Variants in PGBD5 observed in about 807,000 individuals in gnomAD.
PGBD5 encodes the protein piggyBac transposable element-derived protein 5.
PGBD5 carries 14 observed loss-of-function variants against 47.9 expected under a neutral mutation model. The ratio of observed to expected loss-of-function variants is 0.29; its 90% CI spans 0.19 to 0.46. PGBD5 has a LOEUF of 0.46. Ranked by LOEUF, PGBD5 falls within the 20% of genes least tolerant of loss-of-function variation. PGBD5 has a pLI of 1.00. For synonymous variants in PGBD5, 316 were observed against 306.3 expected (o/e 1.03, Z -0.33); for missense variants, 635 against 716.0 (o/e 0.89, Z 1.29).
At chr1:230,327,776 A>G (rs562170064) in intron 5 of PGBD5, among the ~76,000 whole-genome samples, 1 of 152,278 alleles carries the variant, frequency 6.6e-6, no homozygotes, top group African/African-American at 2.4e-5. Context: ...TCTCTCTCCA[A>G]CGCCCCTCCT....
At chr1:230,381,494 A>G (rs1275204275) in intron 1 of PGBD5, among the ~76,000 whole-genome samples, 1 of 152,130 alleles carries the variant, frequency 6.6e-6, no homozygotes, top group Non-Finnish European at 1.5e-5. Flanking sequence ...CCAGTTGTGC[A>G]CCCCAACCCT....
At position 230,317,711 on chromosome 1, in the gene PGBD5, G is replaced by A. The variant is rs1572189667; in HGVS notation, c.*5714C>T. Reference sequence around the variant, plus strand: ...GGGAGCCAGGAGGCTTGACACGTGAGGGAAGCCGCACACACTCCTCCATCG... The same window carrying A: ...GGGAGCCAGGAGGCTTGACACGTGAAGGAAGCCGCACACACTCCTCCATCG... On this transcript the variant is annotated 3_prime_UTR_variant, in exon 7 of 7. Coordinates refer to ENST00000391860, the MANE Select transcript of PGBD5 (RefSeq NM_001258311.2). 6.6e-6 allele frequency: 1 copy of A among 152,162 alleles called. No individual in the cohort carries two copies. The highest frequency in any genetic ancestry group is 1.5e-5 in the Non-Finnish European group (1 of 68,032). The allele number at this position is 152,162 out of a possible 1,614,324, so 9.4% of individuals were successfully genotyped here. A position where few individuals can be genotyped will look rare whatever the true frequency, so the allele number is the denominator to read the frequency against.
intron 1 of PGBD5, among the ~76,000 whole-genome samples, chr1:230,404,696 CT>C (rs1174225524): frequency 9.4e-5 from 14 of 149,242 alleles, no homozygotes; most frequent in African/African-American, 2.9e-4. Flanking sequence ...CTTTAGGAGG[CT>C]GACGTTTGGC....
chr1:230,348,107 T>C (rs1558195867), intron 3 of PGBD5, among the ~76,000 whole-genome samples: 1 of 152,226 alleles, frequency 6.6e-6, no homozygotes, highest in Non-Finnish European at 1.5e-5. Context: ...TACGGTCAGC[T>C]GCAACTGAGC....
intron 1 of PGBD5, among the ~76,000 whole-genome samples, chr1:230,411,761 A>C (rs1657414700): frequency 6.6e-6 from 1 of 152,222 alleles, no homozygotes; most frequent in African/African-American, 2.4e-5. Context: ...TACTGAGACC[A>C]ACCTGGGTTT....
chr1:230,354,727 A>T (rs949970150), intron 2 of PGBD5, among the ~76,000 whole-genome samples: 8 of 152,070 alleles, frequency 5.3e-5, no homozygotes, highest in Non-Finnish European at 1.5e-5. Context: ...AACCCGGATC[A>T]CACCCCTAGC....
intron 1 of PGBD5, among the ~76,000 whole-genome samples, chr1:230,418,436 C>T (rs1657573721): frequency 6.6e-6 from 1 of 152,144 alleles, no homozygotes; most frequent in Admixed American, 6.5e-5. Flanking sequence ...TAATGGCTAC[C>T]TCTGGGGACA....
chr1:230,377,835 T>C (rs1401707341), intron 1 of PGBD5, among the ~76,000 whole-genome samples: 1 of 152,260 alleles, frequency 6.6e-6, no homozygotes, highest in Non-Finnish European at 1.5e-5. Flanking sequence ...GATGCAATGC[T>C]AGCATTTTGG....
chr1:230,388,287 C>T (rs1332624862), intron 1 of PGBD5, among the ~76,000 whole-genome samples: 1 of 152,186 alleles, frequency 6.6e-6, no homozygotes, highest in Non-Finnish European at 1.5e-5. Context: ...GAGAGCAGGA[C>T]CCTGGCCTCC....
At position 230,340,239 on chromosome 1, in the gene PGBD5, A is replaced by C. The variant is rs1667389231; in HGVS notation, c.895-2951T>G. Among the ~76,000 whole-genome samples the C allele has an allele frequency of 3.3e-5, 5 of 152,332 alleles. 1 individual carries two copies. In the South Asian group the frequency reaches 1.0e-3, roughly 32 times the overall value. On this transcript the variant is annotated intron_variant, in intron 3 of 6. Coordinates refer to ENST00000391860, the MANE Select transcript of PGBD5 (RefSeq NM_001258311.2). ...ATGTGTTAAAAGGATTTATATATAAAATACCATGTCCATTTCAGGGTTTTT... is the reference window on the plus strand; with the variant it reads ...ATGTGTTAAAAGGATTTATATATAACATACCATGTCCATTTCAGGGTTTTT...
intron 4 of PGBD5, among the ~76,000 whole-genome samples, chr1:230,335,697 A>G (rs1338176939): frequency 6.9e-6 from 1 of 144,996 alleles, no homozygotes; most frequent in African/African-American, 2.5e-5. Context: ...ACAGACACAT[A>G]CACATACATA....
At chr1:230,416,609 C>T (rs544296838) in intron 1 of PGBD5, among the ~76,000 whole-genome samples, 13 of 152,272 alleles carry the variant, frequency 8.5e-5, no homozygotes, top group African/African-American at 2.2e-4. Context: ...CAAGGGCTGC[C>T]GTTCGAAAGT....
At chr1:230,370,676 T>C (rs1466826670) in intron 1 of PGBD5, among the ~76,000 whole-genome samples, 2 of 152,208 alleles carry the variant, frequency 1.3e-5, no homozygotes, top group Non-Finnish European at 2.9e-5. Flanking sequence ...GTGGTAGAAC[T>C]AGAAATAGCC....
At chr1:230,332,629 C>T (rs559049591) in intron 5 of PGBD5, among the ~76,000 whole-genome samples, 3 of 152,168 alleles carry the variant, frequency 2.0e-5, no homozygotes, top group Non-Finnish European at 4.4e-5. Context: ...AAGCTTACAA[C>T]GAACAGGGAG....
At position 230,357,111 on chromosome 1, in the gene PGBD5, T is replaced by C. The variant is rs141630635; in HGVS notation, c.542A>G (p.His181Arg). 62 of 1,614,134 alleles carry C rather than the reference T, an allele frequency of 3.8e-5. No individual in the cohort carries two copies. The highest frequency in any genetic ancestry group is 1.6e-4 in the Middle Eastern group (1 of 6,062). ...CCAGATGCTGAGGACGGACTCGCAG[T>C]GGGAGATGCTGGTGGAGATCATGTA... ...LGYMISTSIS[H>R]CESVLSIWSG... The change falls in exon 2 of 7, where the codon CAC becomes CGC. Residue 181 changes from histidine (H) to arginine (R), a missense_variant. Transcript: ENST00000391860. This position sits in a 1 kb window ranked among gnomAD's most constrained non-coding sequence, Gnocchi z 5.7.
chr1:230,399,073 G>GGT (rs1408284013), intron 1 of PGBD5, among the ~76,000 whole-genome samples: 1 of 151,820 alleles, frequency 6.6e-6, no homozygotes, highest in Admixed American at 6.6e-5. Flanking sequence ...GGGTGGCTAA[G>GGT]TGTCAGGTGC....
intron 1 of PGBD5, among the ~76,000 whole-genome samples, chr1:230,384,665 G>A (rs1165974556): frequency 1.3e-5 from 2 of 152,224 alleles, no homozygotes; most frequent in Non-Finnish European, 2.9e-5. Context: ...CACACAGGCA[G>A]TAAGGAGCAG....
In PGBD5 at chr1:230,346,697, T is replaced by C. The variant is rs74143190; in HGVS notation, c.894+4261A>G. Among the ~76,000 whole-genome samples the C allele has an allele frequency of 1.1e-3, 162 of 152,334 alleles. 1 individual carries two copies. The highest frequency in any genetic ancestry group is 3.7e-3 in the African/African-American group (155 of 41,584). On this transcript the variant is annotated intron_variant, in intron 3 of 6. Coordinates refer to ENST00000391860, the MANE Select transcript of PGBD5 (RefSeq NM_001258311.2). ...AAGAGCTCATGGCTACTCTCTTCTT[T>C]GCCACACCACATACCCTACTGTATA...
At chr1:230,399,091 C>A (rs962143576) in intron 1 of PGBD5, among the ~76,000 whole-genome samples, 2 of 151,826 alleles carry the variant, frequency 1.3e-5, no homozygotes, top group Non-Finnish European at 2.9e-5. Context: ...TGCAGCTCAT[C>A]AGTGAGCAAG....
Sources: allele counts gnomAD v4.1 joint callset (sites outside exome capture counted in the v4.1 genomes callset), GRCh38; gene constraint gnomAD v4.1.1; non-coding constraint Gnocchi (gnomAD v3.1); transcripts MANE v1.5; gene names NCBI Gene and HGNC (gene_info 2026-07-23, HGNC 2026-07-21).